Variants in PIK3C2G observed in about 807,000 individuals in gnomAD.
PIK3C2G encodes the protein phosphatidylinositol-4-phosphate 3-kinase catalytic subunit type 2 gamma.
In PIK3C2G, 168 loss-of-function variants were observed where a neutral mutation model predicts 181.1. That is an observed-to-expected ratio of 0.93 (90% CI 0.82 to 1.05). PIK3C2G has a LOEUF of 1.05. Among genes scored for constraint, PIK3C2G ranks in the 50% least tolerant of loss-of-function variants. PIK3C2G has a pLI of 0.00. For missense variants in PIK3C2G, 1,869 were observed against 1,732.8 expected, an observed-to-expected ratio of 1.08 and a Z score of -1.40; for synonymous variants, 573 against 592.2, an observed-to-expected ratio of 0.97 and a Z score of 0.47.
chr12:18,409,868 A>G (rs915470897), intron 16 of PIK3C2G, among the ~76,000 whole-genome samples: 3 of 152,148 alleles, frequency 2.0e-5, no homozygotes, highest in Non-Finnish European at 4.4e-5. Context: ...ACTTACAACC[A>G]TGGTGGAAGA....
In PIK3C2G at chr12:18,567,684, CAG is replaced by C. The variant is rs1192128127; in HGVS notation, c.4011+630_4011+631del. The stretch of plus-strand genomic sequence containing the variant: ...GCCTTTAACACTGAGTAGGATTAAA[CAG>C]AGGTGGTCTGGGGAAGTGTCTCAAC... On this transcript the variant is annotated intron_variant, in intron 29 of 32. Coordinates refer to ENST00000538779, the MANE Select transcript of PIK3C2G (RefSeq NM_001288772.2). 1.4e-4 allele frequency among the ~76,000 whole-genome samples: 22 copies of C among 151,786 alleles called. No homozygotes were observed. In the East Asian group the frequency reaches 3.9e-3, roughly 27 times the overall value.
At position 18,290,955 on chromosome 12, in the gene PIK3C2G, T is replaced by G; in HGVS notation, c.862T>G (p.Phe288Val). Reference sequence around the variant, plus strand: ...GTATCAGCTCTTTTCTAAGACCAAGTTTAATATACATATTTTTATTGATAA... The same window carrying G: ...GTATCAGCTCTTTTCTAAGACCAAGGTTAATATACATATTTTTATTGATAA... ...FPYQLFSKTK[F>V]NIHIFIDNST... Residue 288 changes from phenylalanine (F) to valine (V), a missense_variant, in exon 4 of 33, where the codon TTT (phenylalanine) becomes GTT (valine). By Grantham distance (50) the Phe-to-Val change is conservative. Transcript: ENST00000538779. 1.9e-6 allele frequency: 3 copies of G among 1,592,826 alleles called. No homozygotes were observed. The highest frequency in any genetic ancestry group is 2.6e-6 in the Non-Finnish European group (3 of 1,160,776).
At chr12:18,434,266 T>C (rs1208093044) in intron 18 of PIK3C2G, among the ~76,000 whole-genome samples, 1 of 152,164 alleles carries the variant, frequency 6.6e-6, no homozygotes, top group Non-Finnish European at 1.5e-5. Context: ...GAATAGATCC[T>C]GAACATCTTC....
the PIK3C2G span, chr12:18,683,256 C>T: frequency 1.9e-6 from 3 of 1,612,396 alleles, no homozygotes; most frequent in South Asian, 1.1e-5. Flanking sequence ...ACGTACCAAA[C>T]ATAAACAAAC....
In PIK3C2G at chr12:18,593,693, T is replaced by G. The variant is rs193275709; in HGVS notation, c.4012-801T>G. Among the ~76,000 whole-genome samples the G allele has an allele frequency of 1.1e-4, 16 of 152,058 alleles. No individual in the cohort carries two copies. In the East Asian group the frequency reaches 2.2e-3, roughly 20 times the overall value. On this transcript the variant is annotated intron_variant, in intron 29 of 32. Coordinates refer to ENST00000538779, the MANE Select transcript of PIK3C2G (RefSeq NM_001288772.2). ...TATGCCAGTTTTACTAAGGAAAAGCTGTTCTCAGACTTCCCAGTTAGCCAT... is the reference window on the plus strand; with the variant it reads ...TATGCCAGTTTTACTAAGGAAAAGCGGTTCTCAGACTTCCCAGTTAGCCAT...
At chr12:18,559,845 G>T (rs1945252490) in intron 26 of PIK3C2G, among the ~76,000 whole-genome samples, 1 of 134,988 alleles carries the variant, frequency 7.4e-6, no homozygotes, top group African/African-American at 2.7e-5. Flanking sequence ...GAGAGAGAGA[G>T]AGAGAGAGAG....
intron 28 of PIK3C2G, among the ~76,000 whole-genome samples, chr12:18,566,417 A>G (rs1945637197): frequency 6.6e-6 from 1 of 152,218 alleles, no homozygotes; most frequent in Non-Finnish European, 1.5e-5. Flanking sequence ...AGTCCAACCC[A>G]TCAAGATGAA....
chr12:18,674,666 C>G, the PIK3C2G span, among the ~76,000 whole-genome samples: 2 of 152,172 alleles, frequency 1.3e-5, no homozygotes, highest in East Asian at 3.8e-4. Context: ...TTTGCAACTA[C>G]TCCCATGAAG....
chr12:18,520,901 T>G lies in PIK3C2G; in HGVS notation c.3323+15440T>G, dbSNP rs1421444860. Among the ~76,000 whole-genome samples the G allele has an allele frequency of 2.6e-5, 4 of 152,208 alleles. No homozygotes were observed. The South Asian group carries it at 8.3e-4, about 31-fold the overall frequency. On this transcript the variant is annotated intron_variant, in intron 24 of 32. Coordinates refer to ENST00000538779, the MANE Select transcript of PIK3C2G (RefSeq NM_001288772.2). The stretch of plus-strand genomic sequence containing the variant: ...TTTGTCTAGTTTCGATCTTTGAGTC[T>G]GCTGACCCTTGGATGGGGTTTTTGT...
the PIK3C2G span, among the ~76,000 whole-genome samples, chr12:18,667,435 C>T: frequency 1.3e-5 from 2 of 152,086 alleles, no homozygotes; most frequent in Admixed American, 1.3e-4. Context: ...TCTCCAGAGT[C>T]AATATTATAG....
At chr12:18,355,127 A>G (rs1436914523) in intron 11 of PIK3C2G, among the ~76,000 whole-genome samples, 1 of 152,172 alleles carries the variant, frequency 6.6e-6, no homozygotes, top group Non-Finnish European at 1.5e-5. Context: ...TGTCCTGCCC[A>G]TTTACATTGT....
the PIK3C2G span, among the ~76,000 whole-genome samples, chr12:18,663,808 C>A: frequency 1.3e-5 from 2 of 151,978 alleles, no homozygotes; most frequent in Admixed American, 1.3e-4. Context: ...GAGAAAAAGG[C>A]AATATACAAA....
In PIK3C2G at chr12:18,282,137, A is replaced by G. The variant is rs1217978720; in HGVS notation, c.56A>G (p.Tyr19Cys). The change falls in exon 2 of 33, where the codon TAT (tyrosine) becomes TGT (cysteine). Residue 19 changes from tyrosine to cysteine, a missense_variant. Tyr to Cys is a radical substitution (Grantham distance 194). Coordinates refer to ENST00000538779, the MANE Select transcript of PIK3C2G (RefSeq NM_001288772.2). ...PNPNESHEKQ[Y>C]EHQEFLFVNQ... ...CCTAATGAATCACACGAAAAGCAGT[A>G]TGAACACCAAGAATTTCTCTTTGTA... The G allele has an allele frequency of 1.9e-6, 3 of 1,609,226 alleles. No individual in the cohort carries two copies. Among genetic ancestry groups the G allele is most frequent in the African/African-American group, 1.3e-5 (1 of 74,866 alleles).
chr12:18,722,953 C>A, the PIK3C2G span, among the ~76,000 whole-genome samples: 1 of 151,734 alleles, frequency 6.6e-6, no homozygotes, highest in East Asian at 1.9e-4. Context: ...CCACCTATAA[C>A]TGGGGTTTTA....
Position 18,282,111 on chromosome 12 carries a change from T to C in PIK3C2G, c.30T>C (p.Asn10=). The change falls in exon 2 of 33, where the codon AAT becomes AAC. Residue 10 remains asparagine, a synonymous_variant. Coordinates refer to ENST00000538779, the MANE Select transcript of PIK3C2G (RefSeq NM_001288772.2). ...CATATTCTTGGCAAACGGATCCAAA[T>C]CCTAATGAATCACACGAAAAGCAGT... The part of the protein sequence containing the change: MAYSWQTDP[N]PNESHEKQYE... 1 of 1,603,706 alleles carries C rather than the reference T, an allele frequency of 6.2e-7. No individual in the cohort carries two copies. Among genetic ancestry groups the C allele is most frequent in the Non-Finnish European group, 8.5e-7 (1 of 1,174,192 alleles).
chr12:18,457,886 T>G (rs954853860), intron 18 of PIK3C2G, among the ~76,000 whole-genome samples: 2 of 152,162 alleles, frequency 1.3e-5, no homozygotes, highest in Non-Finnish European at 2.9e-5. Context: ...ATTATTTAAT[T>G]AGAATCTAAA....
At chr12:18,553,265 T>C (rs913042342) in intron 26 of PIK3C2G, among the ~76,000 whole-genome samples, 3 of 152,294 alleles carry the variant, frequency 2.0e-5, no homozygotes, top group Non-Finnish European at 2.9e-5. Context: ...TTATTTTTTT[T>C]GCTTTGCATA....
At chr12:18,690,590 T>C in the PIK3C2G span, among the ~76,000 whole-genome samples, 31 of 152,104 alleles carry the variant, frequency 2.0e-4, no homozygotes, top group African/African-American at 7.2e-4. Flanking sequence ...AAATAAACAA[T>C]TATAAAACCT....
At chr12:18,438,173 T>C (rs1465931409) in intron 18 of PIK3C2G, among the ~76,000 whole-genome samples, 5 of 151,884 alleles carry the variant, frequency 3.3e-5, no homozygotes, top group Non-Finnish European at 5.9e-5. Context: ...CTTGACTGGA[T>C]TGTAAACCTG....
Sources: gnomAD v4.1 joint callset for allele counts (sites outside exome capture counted in the v4.1 genomes callset) on GRCh38, gnomAD v4.1.1 for gene constraint, MANE v1.5 for transcripts, NCBI Gene and HGNC (gene_info 2026-07-23, HGNC 2026-07-21) for gene names.